The following ERC2 variants were observed in gnomAD, a reference collection of about 807,000 sequenced individuals.
ERC2 encodes the protein ELKS/RAB6-interacting/CAST family member 2.
A neutral mutation model predicts 114.8 loss-of-function variants in ERC2; 42 were observed. The observed-to-expected ratio is 0.37, with a 90% CI of 0.29 to 0.47. ERC2 has a LOEUF of 0.47. ERC2 is among the 20% of genes least tolerant of loss of function. The pLI is 0.99. For missense variants in ERC2, 939 were observed against 1,150.7 expected, an observed-to-expected ratio of 0.82 and a Z score of 2.66; for synonymous variants, 454 against 425.5, an observed-to-expected ratio of 1.07 and a Z score of -0.82.
chr3:55,730,259 G>C (rs908269049), intron 15 of ERC2, among the ~76,000 whole-genome samples: 11 of 152,102 alleles, frequency 7.2e-5, no homozygotes, highest in Admixed American at 5.9e-4. Flanking sequence ...CTTGGACTTT[G>C]GTTTAATCAA....
chr3:56,328,188 G>A (rs187155801), intron 2 of ERC2, among the ~76,000 whole-genome samples: 2 of 152,252 alleles, frequency 1.3e-5, no homozygotes, highest in Admixed American at 6.5e-5. Context: ...CCGAAATTTG[G>A]TTAATCCTCA....
At chr3:55,982,040 C>T (rs917315570) in intron 12 of ERC2, among the ~76,000 whole-genome samples, 6 of 152,146 alleles carry the variant, frequency 3.9e-5, no homozygotes, top group African/African-American at 1.4e-4. Flanking sequence ...AGGATCTGTA[C>T]AGGAAGAACC....
chr3:55,951,928 A>C (rs2067544462), intron 12 of ERC2, among the ~76,000 whole-genome samples: 1 of 151,848 alleles, frequency 6.6e-6, no homozygotes, highest in Non-Finnish European at 1.5e-5. Context: ...ACTCTCTCCC[A>C]TTCCAAGCAA....
At chr3:55,934,338 G>C (rs74326438) in intron 13 of ERC2, among the ~76,000 whole-genome samples, 1 of 152,156 alleles carries the variant, frequency 6.6e-6, no homozygotes, top group Non-Finnish European at 1.5e-5. Flanking sequence ...TCAATGCTAG[G>C]TGTAGTAATG....
At position 55,682,442 on chromosome 3, in the gene ERC2, C is replaced by T. The variant is rs187828429; in HGVS notation, c.*39+1352G>A. On this transcript the variant is annotated intron_variant, in intron 17 of 17. Coordinates refer to ENST00000288221, the MANE Select transcript of ERC2 (RefSeq NM_015576.3). ...ACATCTTTACTATGTAGAAAGATGT[C>T]GTACCTGAAAACCACCATCCTGTGA... 4.6e-5 allele frequency among the ~76,000 whole-genome samples: 7 copies of T among 152,240 alleles called. 1 individual carries two copies. The East Asian group carries it at 1.2e-3, about 25-fold the overall frequency.
intron 14 of ERC2, among the ~76,000 whole-genome samples, chr3:55,775,879 C>A (rs950205691): frequency 1.3e-5 from 2 of 152,140 alleles, no homozygotes; most frequent in African/African-American, 4.8e-5. Context: ...AGGGGTGGAC[C>A]CAGTTGGCTT....
At chr3:56,243,684 A>G (rs908707587) in intron 3 of ERC2, among the ~76,000 whole-genome samples, 1 of 152,188 alleles carries the variant, frequency 6.6e-6, no homozygotes, top group Non-Finnish European at 1.5e-5. Context: ...ATGAATTTCA[A>G]CAGAAAATCA....
intron 14 of ERC2, among the ~76,000 whole-genome samples, chr3:55,875,488 G>A (rs1057457754): frequency 1.1e-4 from 16 of 152,120 alleles, no homozygotes; most frequent in African/African-American, 3.9e-4. Context: ...GTCAAACACT[G>A]CATTTCAATT....
chr3:56,174,935 G>A (rs1457667589), intron 3 of ERC2, among the ~76,000 whole-genome samples: 2 of 149,632 alleles, frequency 1.3e-5, no homozygotes, highest in Non-Finnish European at 2.9e-5. Context: ...CCGAGATCAC[G>A]CCACTGCACC....
chr3:56,023,456 T>C (rs912769814), intron 7 of ERC2, among the ~76,000 whole-genome samples: 5 of 152,124 alleles, frequency 3.3e-5, no homozygotes, highest in Non-Finnish European at 7.4e-5. Flanking sequence ...TATCTTTGCC[T>C]ATCTATTTCC....
At chr3:56,460,553 T>C (rs2063264864) in intron 1 of ERC2, among the ~76,000 whole-genome samples, 1 of 152,192 alleles carries the variant, frequency 6.6e-6, no homozygotes, top group Non-Finnish European at 1.5e-5. Context: ...AAATGAGCAA[T>C]ATAAAGCACC....
At chr3:55,983,631 A>T (rs981179179) in intron 12 of ERC2, among the ~76,000 whole-genome samples, 7 of 152,236 alleles carry the variant, frequency 4.6e-5, no homozygotes, top group Admixed American at 4.6e-4. Context: ...CTTCCCATGG[A>T]GTCCACAGCA....
chr3:56,155,691 C>T (rs560304307), intron 4 of ERC2, among the ~76,000 whole-genome samples: 14 of 152,152 alleles, frequency 9.2e-5, no homozygotes, highest in South Asian at 4.1e-4. Context: ...AGGAGCCTAA[C>T]GTGGGGTTTG....
At chr3:56,017,472 A>C (rs553796828) in intron 8 of ERC2, among the ~76,000 whole-genome samples, 2 of 152,280 alleles carry the variant, frequency 1.3e-5, no homozygotes, top group African/African-American at 4.8e-5. Flanking sequence ...ATCCCCTTCA[A>C]AGTAAAAGCC....
chr3:56,035,979 A>G (rs1405431358), intron 7 of ERC2, among the ~76,000 whole-genome samples: 1 of 152,208 alleles, frequency 6.6e-6, no homozygotes, highest in Non-Finnish European at 1.5e-5. Flanking sequence ...ACTAGCAAAC[A>G]GAACTCAACA....
At chr3:56,313,001 CAT>C (rs3055903) in intron 2 of ERC2, among the ~76,000 whole-genome samples, 1,479 of 43,846 alleles carry the variant, frequency 0.034, 34 homozygotes, top group Middle Eastern at 0.12. Flanking sequence ...TATGTATATT[CAT>C]ATATATATAT....
chr3:55,984,893 G>C (rs377345127), intron 12 of ERC2, among the ~76,000 whole-genome samples: 14 of 152,278 alleles, frequency 9.2e-5, no homozygotes, highest in African/African-American at 3.1e-4. Context: ...AGATGAGCAG[G>C]TTTGTGTATA....
At chr3:56,234,659 G>A (rs939983463) in intron 3 of ERC2, among the ~76,000 whole-genome samples, 1 of 152,142 alleles carries the variant, frequency 6.6e-6, no homozygotes. Flanking sequence ...CCTGGTTCTG[G>A]AGACTGGAAA....
chr3:55,819,021 T>A (rs1161860829), intron 14 of ERC2, among the ~76,000 whole-genome samples: 2 of 152,204 alleles, frequency 1.3e-5, no homozygotes. Flanking sequence ...TGTGGGTCAC[T>A]CCATAGAAAT....
Sources: gnomAD v4.1 joint callset for allele counts (sites outside exome capture counted in the v4.1 genomes callset) on GRCh38, gnomAD v4.1.1 for gene constraint, MANE v1.5 for transcripts, NCBI Gene and HGNC (gene_info 2026-07-23, HGNC 2026-07-21) for gene names.